MAN2A1: variants seen among roughly 807,000 people sequenced by gnomAD.
The protein encoded by MAN2A1 is mannosidase alpha class 2A member 1, also known as alpha-mannosidase 2.
Under a neutral mutation model 142.6 loss-of-function variants are expected in MAN2A1, and 76 were observed. The observed-to-expected ratio is 0.53, with a 90% CI of 0.44 to 0.65. The LOEUF is 0.65. MAN2A1 is among the 30% of genes least tolerant of loss of function. MAN2A1 has a pLI of 0.00. For missense variants in MAN2A1, 1,311 were observed against 1,365.1 expected (o/e 0.96, Z 0.62); for synonymous variants, 559 against 473.2 (o/e 1.18, Z -2.35).
intron 4 of MAN2A1, among the ~76,000 whole-genome samples, chr5:109,733,420 A>G (rs1751981069): frequency 6.6e-6 from 1 of 152,144 alleles, no homozygotes; most frequent in Non-Finnish European, 1.5e-5. Context: ...GTGGTGAGAG[A>G]GGGCATCCCT....
chr5:109,744,693 G>T (rs1752353046), intron 4 of MAN2A1, among the ~76,000 whole-genome samples: 1 of 152,100 alleles, frequency 6.6e-6, no homozygotes, highest in African/African-American at 2.4e-5. Flanking sequence ...GCGACTTTCT[G>T]AAAAGCCTCC....
chr5:109,775,680 C>T (rs1163270061), intron 8 of MAN2A1, among the ~76,000 whole-genome samples: 1 of 152,020 alleles, frequency 6.6e-6, no homozygotes, highest in Non-Finnish European at 1.5e-5. Context: ...CATATAGTTT[C>T]ACCTGTAAAT....
Position 109,690,375 on chromosome 5 carries a change from T to A in MAN2A1, c.-43T>A, listed in dbSNP as rs1750629672. The A allele has an allele frequency of 6.2e-7, 1 of 1,612,572 alleles. No individual in the cohort carries two copies. The highest frequency in any genetic ancestry group is 1.7e-5 in the Admixed American group (1 of 59,996). ...CTAGAGTCCACAGTGCGCTGTCTCC[T>A]TTGGCTGAGGAGAGTGTCCTGGCCC... On this transcript the variant is annotated 5_prime_UTR_variant, in exon 1 of 22. Transcript: ENST00000261483.
chr5:109,713,939 T>C (rs1472180257), intron 2 of MAN2A1, among the ~76,000 whole-genome samples, 165 bp downstream of exon 2: 1 of 152,182 alleles, frequency 6.6e-6, no homozygotes, highest in Non-Finnish European at 1.5e-5. Flanking sequence ...TAATGTTCTG[T>C]TTAGTGATAA....
intron 3 of MAN2A1, among the ~76,000 whole-genome samples, chr5:109,728,196 T>C (rs1011541357): frequency 1.3e-5 from 2 of 152,232 alleles, no homozygotes; most frequent in African/African-American, 4.8e-5. Context: ...TTTCAAAAGC[T>C]CATATTCACA....
In MAN2A1 at chr5:109,759,921, A is replaced by G. The variant is rs958944607; in HGVS notation, c.835+4465A>G. ...CTATTTTCAAGTTTCTAAGTCTTTT[A>G]CCCATTCTTTTTATTTGAATTGTTG... On this transcript the variant is annotated intron_variant, in intron 5 of 21. Transcript: ENST00000261483. 6.6e-5 allele frequency among the ~76,000 whole-genome samples: 10 copies of G among 151,066 alleles called. No individual in the cohort carries two copies. In the Admixed American group the frequency reaches 6.7e-4, roughly 10 times the overall value.
intron 3 of MAN2A1, among the ~76,000 whole-genome samples, chr5:109,722,172 C>A (rs1346806726): frequency 6.6e-6 from 1 of 152,160 alleles, no homozygotes; most frequent in Non-Finnish European, 1.5e-5. Flanking sequence ...TATTTCCAAG[C>A]CAAATGTCAA....
chr5:109,747,143 G>C (rs982420319), intron 4 of MAN2A1, among the ~76,000 whole-genome samples: 1 of 152,134 alleles, frequency 6.6e-6, no homozygotes, highest in East Asian at 1.9e-4. Flanking sequence ...TATCTGTCCA[G>C]GTCCCTTCTT....
intron 4 of MAN2A1, among the ~76,000 whole-genome samples, chr5:109,737,323 A>G (rs1179648675): frequency 1.3e-5 from 2 of 151,574 alleles, no homozygotes; most frequent in African/African-American, 4.8e-5. Flanking sequence ...AACTCCTGAC[A>G]CCTGCCTTGA....
At chr5:109,790,844 T>C (rs76479239) in intron 12 of MAN2A1, among the ~76,000 whole-genome samples, 2,854 of 152,160 alleles carry the variant, frequency 0.019, 34 homozygotes, top group Middle Eastern at 0.075. Context: ...CTCTGGGTGC[T>C]CTTATGCTGG....
At chr5:109,747,276 T>A (rs1399739383) in intron 4 of MAN2A1, among the ~76,000 whole-genome samples, 1 of 152,164 alleles carries the variant, frequency 6.6e-6, no homozygotes, top group East Asian at 1.9e-4. Flanking sequence ...TACATAGACA[T>A]AAATATGAGC....
rs181180172 is a variant in MAN2A1, at chr5:109,728,513, G to A, written c.536-829G>A. ...TTGGTGGCTGTGTACGTTTTTGCTT[G>A]GCCGTTTTAGTAGTCTGCCTTGTGG... On this transcript the variant is annotated intron_variant, in intron 3 of 21. Transcript: ENST00000261483. 1.9e-3 allele frequency among the ~76,000 whole-genome samples: 287 copies of A among 151,724 alleles called. 2 individuals are homozygous for A. Among genetic ancestry groups the A allele is most frequent in the Non-Finnish European group, 3.2e-3 (218 of 67,994 alleles).
intron 4 of MAN2A1, among the ~76,000 whole-genome samples, chr5:109,738,981 T>G (rs1371331154): frequency 6.6e-6 from 1 of 152,098 alleles, no homozygotes; most frequent in Non-Finnish European, 1.5e-5. Flanking sequence ...TAGCTGGGAC[T>G]ACAGGCGCAC....
At chr5:109,789,356 C>A in intron 11 of MAN2A1, 104 bp from the exon 12 acceptor site, 1 of 677,346 alleles carries the variant, frequency 1.5e-6, no homozygotes, top group Non-Finnish European at 2.4e-6. Context: ...TTTTATAAGT[C>A]CTTAATCTGT....
At chr5:109,742,630 C>A (rs1405604831) in intron 4 of MAN2A1, among the ~76,000 whole-genome samples, 1 of 152,070 alleles carries the variant, frequency 6.6e-6, no homozygotes, top group Non-Finnish European at 1.5e-5. Context: ...CAGACTAATT[C>A]ATTATACGTT....
intron 19 of MAN2A1, among the ~76,000 whole-genome samples, chr5:109,849,550 ATC>A (rs1755428264): frequency 1.3e-5 from 2 of 151,990 alleles, no homozygotes; most frequent in Non-Finnish European, 2.9e-5. Flanking sequence ...TCACCTATCT[ATC>A]TCATTGCCTG....
intron 19 of MAN2A1, among the ~76,000 whole-genome samples, chr5:109,848,322 A>G (rs963040459): frequency 1.3e-5 from 2 of 152,182 alleles, no homozygotes; most frequent in African/African-American, 4.8e-5. Context: ...GCTGGACCTG[A>G]ATGACCTGAC....
chr5:109,725,760 C>T (rs985509191), intron 3 of MAN2A1, among the ~76,000 whole-genome samples: 1 of 152,208 alleles, frequency 6.6e-6, no homozygotes, highest in Non-Finnish European at 1.5e-5. Context: ...CAGAACTCCA[C>T]ATAATCTCTA....
chr5:109,805,159 G>A (rs1205904472), intron 12 of MAN2A1, among the ~76,000 whole-genome samples: 1 of 152,158 alleles, frequency 6.6e-6, no homozygotes, highest in Admixed American at 6.5e-5. Flanking sequence ...AAAACTCAGA[G>A]AAAGCAACTT....
Sources: gnomAD v4.1 joint callset for allele counts (sites outside exome capture counted in the v4.1 genomes callset) on GRCh38, gnomAD v4.1.1 for gene constraint, MANE v1.5 for transcripts, NCBI Gene and HGNC (gene_info 2026-07-23, HGNC 2026-07-21) for gene names.